PDE10A: variants seen among roughly 807,000 people sequenced by gnomAD.
PDE10A encodes cAMP and cAMP-inhibited cGMP 3',5'-cyclic phosphodiesterase 10A.
Under a neutral mutation model 97.7 loss-of-function variants are expected in PDE10A, and 39 were observed. The observed-to-expected ratio is 0.40, with a 90% CI of 0.31 to 0.52. The LOEUF is 0.52. PDE10A is among the 20% of genes least tolerant of loss of function. The pLI, the probability that PDE10A is intolerant of heterozygous loss-of-function variation, is 0.56. For missense variants in PDE10A, 731 were observed against 1,047.8 expected (o/e 0.70, Z 4.17); for synonymous variants, 371 against 376.8 (o/e 0.98, Z 0.18).
At chr6:165,643,116 T>C (rs968204016) in intron 1 of PDE10A, among the ~76,000 whole-genome samples, 1 of 152,196 alleles carries the variant, frequency 6.6e-6, no homozygotes, top group African/African-American at 2.4e-5. Context: ...CTTGCATCCC[T>C]GTAACAATTT....
rs551433648 is a variant in PDE10A at position 165,739,934 on chromosome 6, G to A, written c.-614-196366C>T. Among the ~76,000 whole-genome samples, 4 of 152,232 alleles carry A rather than the reference G, an allele frequency of 2.6e-5. No homozygotes were observed. In the East Asian group the frequency reaches 7.7e-4, roughly 29 times the overall value. ...TGAGGTATCATCCCACCCATTAATA[G>A]TTATTTATAAAAGACAAAAATTAGC... On this transcript the variant is annotated intron_variant, in intron 1 of 19. Transcript: ENST00000366882.
At chr6:165,702,926 A>G (rs1791616595) in intron 1 of PDE10A, among the ~76,000 whole-genome samples, 1 of 152,210 alleles carries the variant, frequency 6.6e-6, no homozygotes, top group Non-Finnish European at 1.5e-5. Flanking sequence ...ACTGCCCCAG[A>G]GCAGATGGGC....
At chr6:165,503,017 G>C (rs1780983983) in intron 2 of PDE10A, among the ~76,000 whole-genome samples, 1 of 152,280 alleles carries the variant, frequency 6.6e-6, no homozygotes, top group South Asian at 2.1e-4. Flanking sequence ...CAATAAAGCT[G>C]ATTAAACAAA....
At chr6:165,521,990 G>A (rs1050008287) in intron 2 of PDE10A, among the ~76,000 whole-genome samples, 1 of 152,162 alleles carries the variant, frequency 6.6e-6, no homozygotes, top group Non-Finnish European at 1.5e-5. Flanking sequence ...CCACGTTGTA[G>A]CATGTGTCAG....
At chr6:165,337,014 T>C (rs1562359807) in intron 20 of PDE10A, among the ~76,000 whole-genome samples, 1 of 152,044 alleles carries the variant, frequency 6.6e-6, no homozygotes, top group Admixed American at 6.6e-5. Context: ...TTGTGTGGTG[T>C]CCCAATATTT....
chr6:165,940,910 A>G (rs1783495971), intron 1 of PDE10A: 1 of 152,216 alleles, frequency 6.6e-6, no homozygotes, highest in Non-Finnish European at 1.5e-5. Context: ...TCTATGAAAA[A>G]CACTGATAGA....
intron 1 of PDE10A, among the ~76,000 whole-genome samples, chr6:165,643,166 G>A (rs918004100): frequency 6.6e-6 from 1 of 152,102 alleles, no homozygotes; most frequent in Admixed American, 6.6e-5. Context: ...ATGGGAGGAC[G>A]GATGGTGGGT....
chr6:165,678,177 G>A (rs1242485303), intron 1 of PDE10A, among the ~76,000 whole-genome samples: 12 of 1,152 alleles, frequency 0.01, no homozygotes, highest in Non-Finnish European at 0.02. Context: ...GTATGTGTGT[G>A]TCCATGTGTG....
At chr6:165,591,725 G>T (rs2128385665) in intron 1 of PDE10A, among the ~76,000 whole-genome samples, 1 of 152,258 alleles carries the variant, frequency 6.6e-6, no homozygotes, top group East Asian at 1.9e-4. Context: ...GCTATTGAAT[G>T]TATTTTAGCC....
At chr6:165,938,446 T>A (rs759547938) in intron 1 of PDE10A, among the ~76,000 whole-genome samples, 7 of 152,218 alleles carry the variant, frequency 4.6e-5, no homozygotes, top group Non-Finnish European at 8.8e-5. Context: ...AATTTTTAAA[T>A]GAAATCATGC....
chr6:165,770,293 T>C (rs1183981483), intron 1 of PDE10A, among the ~76,000 whole-genome samples: 2 of 151,816 alleles, frequency 1.3e-5, no homozygotes, highest in Non-Finnish European at 2.9e-5. Context: ...ACTTAGGAAT[T>C]GTAGAATAAC....
At chr6:165,928,337 A>G (rs1783010360) in intron 1 of PDE10A, among the ~76,000 whole-genome samples, 1 of 152,178 alleles carries the variant, frequency 6.6e-6, no homozygotes, top group African/African-American at 2.4e-5. Flanking sequence ...ATGAGAATAA[A>G]AGGGGGTTCG....
At chr6:165,660,074 A>G (rs1790162424) in intron 1 of PDE10A, 1 of 152,378 alleles carries the variant, frequency 6.6e-6, no homozygotes, top group Non-Finnish European at 1.5e-5. Flanking sequence ...CAACTGAGAA[A>G]AGCAGATGTT....
intron 1 of PDE10A, among the ~76,000 whole-genome samples, chr6:165,879,789 A>G (rs1366768295): frequency 1.3e-5 from 2 of 152,140 alleles, no homozygotes; most frequent in East Asian, 3.9e-4. Context: ...TTTTTGTCAC[A>G]GTTTTTAAAA....
At chr6:165,563,280 A>G (rs1784615755) in intron 1 of PDE10A, among the ~76,000 whole-genome samples, 1 of 151,384 alleles carries the variant, frequency 6.6e-6, no homozygotes, top group Non-Finnish European at 1.5e-5. Context: ...GGAAGGAAGG[A>G]AGGAAGGATT....
chr6:165,725,934 G>A (rs911323271), intron 1 of PDE10A, among the ~76,000 whole-genome samples: 1 of 152,156 alleles, frequency 6.6e-6, no homozygotes, highest in African/African-American at 2.4e-5. Flanking sequence ...GGCTTTGAAG[G>A]AGTCTGTCCA....
At chr6:165,576,262 A>G in intron 1 of PDE10A, 1 of 638,994 alleles carries the variant, frequency 1.6e-6, no homozygotes, top group Non-Finnish European at 2.8e-6. Context: ...CACCAAAAAG[A>G]GTCAAGGTGT....
At chr6:165,726,980 G>A (rs912312352) in intron 1 of PDE10A, among the ~76,000 whole-genome samples, 2 of 152,198 alleles carry the variant, frequency 1.3e-5, no homozygotes, top group African/African-American at 4.8e-5. Context: ...GGCCACCACA[G>A]AAACGCCCCC....
chr6:165,732,072 C>T (rs1243848697), intron 1 of PDE10A, among the ~76,000 whole-genome samples: 4 of 152,180 alleles, frequency 2.6e-5, no homozygotes, highest in East Asian at 1.9e-4. Flanking sequence ...AATGAATTAA[C>T]GTGTACTGTT....
Sources: allele counts gnomAD v4.1 joint callset (sites outside exome capture counted in the v4.1 genomes callset), GRCh38; gene constraint gnomAD v4.1.1; transcripts MANE v1.5; gene names NCBI Gene and HGNC (gene_info 2026-07-23, HGNC 2026-07-21).